The following MACROD2 variants were observed in gnomAD, a reference collection of about 807,000 sequenced individuals.
The protein encoded by MACROD2 is mono-ADP ribosylhydrolase 2, also known as ADP-ribose glycohydrolase MACROD2.
A neutral mutation model predicts 70.4 loss-of-function variants in MACROD2; 36 were observed. The ratio of observed to expected loss-of-function variants is 0.51; its 90% CI spans 0.39 to 0.68. MACROD2 has a LOEUF of 0.68. Ranked by LOEUF, MACROD2 falls within the 30% of genes least tolerant of loss-of-function variation. The probability of loss-of-function intolerance (pLI) is 0.00; values close to 1 mark genes in which losing one functional copy is unlikely to be tolerated. For missense variants in MACROD2, 496 were observed against 538.4 expected (o/e 0.92, Z 0.78); for synonymous variants, 172 against 178.8 (o/e 0.96, Z 0.30).
At chr20:14,255,518 C>T (rs2082047418) in intron 3 of MACROD2, among the ~76,000 whole-genome samples, 1 of 150,708 alleles carries the variant, frequency 6.6e-6, no homozygotes, top group Admixed American at 6.6e-5. Context: ...GGGAACATCA[C>T]ACACCGGGGC....
chr20:15,922,523 A>G lies in MACROD2; in HGVS notation c.776-10753A>G, dbSNP rs948837513. On this transcript the variant is annotated intron_variant, in intron 10 of 17. Coordinates refer to ENST00000684519, the MANE Select transcript of MACROD2 (RefSeq NM_001351661.2). ...CGTAGTCCGTGGAGTGCCCATAGCC[A>G]TGTGTGGCTAGTGGCTATCACAGTG... Among the ~76,000 whole-genome samples, 191 of 152,198 alleles carry G rather than the reference A, an allele frequency of 1.3e-3. 3 individuals carry two copies. The highest frequency in any genetic ancestry group is 3.5e-3 in the Admixed American group (54 of 15,280).
intron 5 of MACROD2, among the ~76,000 whole-genome samples, chr20:15,159,014 T>G (rs1488911301): frequency 2.0e-5 from 3 of 152,126 alleles, no homozygotes; most frequent in Admixed American, 6.6e-5. Flanking sequence ...TGCAATACAT[T>G]GTGTTTCTAC....
chr20:15,901,756 T>G (rs2065067792), intron 10 of MACROD2, among the ~76,000 whole-genome samples: 1 of 152,204 alleles, frequency 6.6e-6, no homozygotes, highest in Non-Finnish European at 1.5e-5. Context: ...TCTCTAAAAC[T>G]TTAAGGAGGG....
At chr20:14,232,443 C>T (rs1346988558) in intron 3 of MACROD2, among the ~76,000 whole-genome samples, 3 of 152,220 alleles carry the variant, frequency 2.0e-5, no homozygotes, top group Non-Finnish European at 4.4e-5. Flanking sequence ...GTATAGCCAC[C>T]TTCATCAGTT....
chr20:14,512,827 T>A (rs930483894), intron 4 of MACROD2, among the ~76,000 whole-genome samples: 1 of 152,104 alleles, frequency 6.6e-6, no homozygotes, highest in South Asian at 2.1e-4. Flanking sequence ...ATGTTTACGA[T>A]TTTTTTCTGT....
chr20:15,500,768 T>C (rs1034819881), intron 8 of MACROD2, among the ~76,000 whole-genome samples: 11 of 152,200 alleles, frequency 7.2e-5, no homozygotes, highest in Non-Finnish European at 1.6e-4. Flanking sequence ...AACAGCAGTG[T>C]CATTTTCTAA....
intron 5 of MACROD2, among the ~76,000 whole-genome samples, chr20:14,863,232 T>G (rs1464771438): frequency 1.3e-5 from 2 of 152,112 alleles, no homozygotes; most frequent in Admixed American, 1.3e-4. Context: ...CTTGCAGTTT[T>G]GCCAATGCAC....
At chr20:15,757,658 T>C (rs2051367412) in intron 8 of MACROD2, among the ~76,000 whole-genome samples, 1 of 152,168 alleles carries the variant, frequency 6.6e-6, no homozygotes, top group African/African-American at 2.4e-5. Flanking sequence ...CTCATACTTC[T>C]AGAGGCTGGG....
chr20:15,006,141 A>ATATGTGTG (rs141289169), intron 5 of MACROD2, among the ~76,000 whole-genome samples: 401 of 134,350 alleles, frequency 3.0e-3, no homozygotes, highest in Non-Finnish European at 4.2e-3. Context: ...ATATATATAT[A>ATATGTGTG]TGTGTGTGTG....
intron 10 of MACROD2, chr20:15,894,035 G>A (rs981736988): frequency 7.1e-6 from 3 of 423,822 alleles, no homozygotes; most frequent in South Asian, 3.4e-5. Flanking sequence ...GCTGCAAGTA[G>A]TTTGGCAAGA....
At chr20:14,516,542 A>T (rs407908) in intron 4 of MACROD2, among the ~76,000 whole-genome samples, 2 of 151,984 alleles carry the variant, frequency 1.3e-5, no homozygotes, top group African/African-American at 2.4e-5. Context: ...TTCCCAGCAC[A>T]GTTTATTAAA....
chr20:14,613,173 C>G (rs1465945568), intron 4 of MACROD2, among the ~76,000 whole-genome samples: 3 of 152,024 alleles, frequency 2.0e-5, no homozygotes, highest in Non-Finnish European at 4.4e-5. Context: ...AGTTTATGTT[C>G]AAGTCGCACT....
At position 15,229,993 on chromosome 20, in the gene MACROD2, A is replaced by C; in HGVS notation, c.472A>C (p.Lys158Gln). Residue 158 changes from lysine (K) to glutamine (Q), a missense_variant, in exon 6 of 18, where the codon AAG becomes CAG. Transcript: ENST00000684519. ...IARGHINGSH[K>Q]EDLANCYKSS... Reference sequence around the variant, plus strand: ...CAGGGGCCATATTAATGGTTCCCACAAGGAAGACCTTGCAAATTGCTATAA... The same window carrying C: ...CAGGGGCCATATTAATGGTTCCCACCAGGAAGACCTTGCAAATTGCTATAA... 1 of 1,613,876 alleles carries C rather than the reference A, an allele frequency of 6.2e-7. No homozygotes were observed. Among genetic ancestry groups the C allele is most frequent in the Non-Finnish European group, 8.5e-7 (1 of 1,179,804 alleles).
intron 7 of MACROD2, among the ~76,000 whole-genome samples, chr20:15,436,548 G>A (rs62195519): frequency 0.19 from 28,837 of 151,930 alleles, 2,970 homozygotes; most frequent in African/African-American, 0.24. Context: ...ACCATTTATG[G>A]TTTATAGACC....
chr20:16,005,597 G>C (rs1206312924), intron 15 of MACROD2, among the ~76,000 whole-genome samples: 1 of 152,160 alleles, frequency 6.6e-6, no homozygotes, highest in Non-Finnish European at 1.5e-5. Flanking sequence ...TTCCAACTTA[G>C]GAGCATTTAT....
At chr20:15,956,082 C>T (rs1246013300) in intron 12 of MACROD2, among the ~76,000 whole-genome samples, 11 of 152,144 alleles carry the variant, frequency 7.2e-5, no homozygotes, top group Admixed American at 5.9e-4. Flanking sequence ...ATATGTCATT[C>T]GGACTCACCA....
chr20:14,454,192 GT>G (rs1372369629), intron 3 of MACROD2, among the ~76,000 whole-genome samples: 1 of 151,242 alleles, frequency 6.6e-6, no homozygotes, highest in Non-Finnish European at 1.5e-5. Context: ...ATTGTTGTAT[GT>G]TTTTAAAATT....
chr20:15,207,449 T>TG (rs2145940316), intron 5 of MACROD2, among the ~76,000 whole-genome samples: 1 of 130,210 alleles, frequency 7.7e-6, no homozygotes, highest in South Asian at 2.6e-4. Flanking sequence ...TTTTTTTTTT[T>TG]TTTTTTTTCA....
chr20:14,134,123 A>G (rs1235795408), intron 3 of MACROD2, among the ~76,000 whole-genome samples: 1 of 151,920 alleles, frequency 6.6e-6, no homozygotes, highest in Non-Finnish European at 1.5e-5. Flanking sequence ...TCCTTAATAT[A>G]CCTCCTGCTA....
Sources: gnomAD v4.1 joint callset for allele counts (sites outside exome capture counted in the v4.1 genomes callset) on GRCh38, gnomAD v4.1.1 for gene constraint, MANE v1.5 for transcripts, NCBI Gene and HGNC (gene_info 2026-07-23, HGNC 2026-07-21) for gene names.